Variants in EIF4G2 observed in about 807,000 individuals in gnomAD.
EIF4G2 encodes DAP-5.
Under a neutral mutation model 117.7 loss-of-function variants are expected in EIF4G2, and 8 were observed. The observed-to-expected ratio is 0.07, with a 90% confidence interval of 0.04 to 0.12. The LOEUF is 0.12. Among genes scored for constraint, EIF4G2 ranks in the 10% least tolerant of loss-of-function variants. The pLI is 1.00. For missense variants in EIF4G2, 812 were observed against 1,086.2 expected (o/e 0.75, Z 3.55); for synonymous variants, 413 against 367.8 (o/e 1.12, Z -1.41).
In EIF4G2 at chr11:10,802,318, C is replaced by G; in HGVS notation, c.1114G>C (p.Ala372Pro). Reference sequence around the variant, plus strand: ...CCTGGCATTTGTCCAAACATATCAGCAAGTCCTCCAAGTGGGTCCCTATCC... The same window carrying G: ...CCTGGCATTTGTCCAAACATATCAGGAAGTCCTCCAAGTGGGTCCCTATCC... The change falls in exon 12 of 22, where the codon GCT becomes CCT. Residue 372 changes from alanine to proline, a missense_variant. Physicochemically the swap from Ala to Pro is conservative, Grantham distance 27 (BLOSUM62 -1). Coordinates refer to ENST00000339995, the MANE Select transcript of EIF4G2 (RefSeq NM_001418.4). 1.2e-6 allele frequency: 2 copies of G among 1,613,382 alleles called. No individual in the cohort carries two copies. The highest frequency in any genetic ancestry group is 1.1e-5 in the South Asian group (1 of 90,944).
intron 1 of EIF4G2, 28 bp downstream of exon 1, chr11:10,808,677 A>T: frequency 4.4e-6 from 1 of 229,240 alleles, no homozygotes. Context: ...AGAGCGCTCC[A>T]CTCGGCGGCG....
At position 10,805,997 on chromosome 11, in the gene EIF4G2, G is replaced by A. The variant is rs1847557574; in HGVS notation, c.158C>T (p.Ala53Val). 6.2e-7 allele frequency: 1 copy of A among 1,614,104 alleles called. No homozygotes were observed. The highest frequency in any genetic ancestry group is 8.5e-7 in the Non-Finnish European group (1 of 1,180,054). The change falls in exon 4 of 22, where the codon GCA becomes GTA. Residue 53 changes from alanine (A) to valine (V), a missense_variant. Coordinates refer to ENST00000339995, the MANE Select transcript of EIF4G2 (RefSeq NM_001418.4). ...GTTGTCATCTCGTCTAGTGCTTCGTGCAGGAATCCATTTCTGAGCGTTTTG... is the reference window on the plus strand; with the variant it reads ...GTTGTCATCTCGTCTAGTGCTTCGTACAGGAATCCATTTCTGAGCGTTTTG...
chr11:10,804,349 C>T lies in EIF4G2; in HGVS notation c.421G>A (p.Glu141Lys). Residue 141 changes from glutamate (E) to lysine (K), a missense_variant, in exon 6 of 22, where the codon GAA becomes AAA. Around this residue, in one of 4 missense-constraint regions of EIF4G2, gnomAD observed 154 missense variants for 322.1 expected, o/e 0.48. Transcript: ENST00000339995. ...GGGCCATCAAAGTTTGGTGCATCTT[C>T]TGCCAATCGCAGACATAGCTGAGCA... The T allele has an allele frequency of 6.2e-7, 1 of 1,614,222 alleles. No homozygotes were observed. Among genetic ancestry groups the T allele is most frequent in the Non-Finnish European group, 8.5e-7 (1 of 1,180,044 alleles).
intron 1 of EIF4G2, chr11:10,808,061 C>A: frequency 9.6e-7 from 1 of 1,046,850 alleles, no homozygotes; most frequent in Non-Finnish European, 1.2e-6. Flanking sequence ...AGGCCACCCC[C>A]GCCAGCCCGG....
chr11:10,808,189 T>G (rs993683296), intron 1 of EIF4G2: 3 of 1,120,782 alleles, frequency 2.7e-6, no homozygotes, highest in Middle Eastern at 4.0e-4. Context: ...CGCCACGGCC[T>G]CCTCTGCTGA....
chr11:10,797,933 C>T lies in EIF4G2; in HGVS notation c.2659-52G>A, dbSNP rs539169482. On this transcript the variant is annotated intron_variant, in intron 21 of 21. Coordinates refer to ENST00000339995, the MANE Select transcript of EIF4G2 (RefSeq NM_001418.4). The surrounding 1 kb of genome is among the most constrained non-coding windows in gnomAD (Gnocchi z 4.5). Reference sequence around the variant, plus strand: ...ATAGTTCATGATATAAACAGAAATCCATCCAAAAAGTTTTAGGTGGTACTA... The same window carrying T: ...ATAGTTCATGATATAAACAGAAATCTATCCAAAAAGTTTTAGGTGGTACTA... The T allele has an allele frequency of 3.8e-6, 6 of 1,582,638 alleles. No homozygotes were observed. The African/African-American group carries it at 6.7e-5, about 18-fold the overall frequency.
intron 5 of EIF4G2, 102 bp from the exon 6 acceptor site, chr11:10,804,520 CA>C: frequency 7.1e-7 from 1 of 1,399,016 alleles, no homozygotes; most frequent in Admixed American, 2.5e-5. Context: ...TACAGTCTAC[CA>C]AAAATGTCCA....
chr11:10,798,517 C>T (rs1847327283), intron 21 of EIF4G2, among the ~76,000 whole-genome samples: 1 of 152,046 alleles, frequency 6.6e-6, no homozygotes, highest in Non-Finnish European at 1.5e-5. Context: ...GTAGCTGGGA[C>T]CAGGACCACA....
At chr11:10,805,851 C>A in intron 4 of EIF4G2, 56 bp downstream of exon 4, 1 of 1,612,214 alleles carries the variant, frequency 6.2e-7, no homozygotes, top group Non-Finnish European at 8.5e-7. Context: ...GCACACACAC[C>A]AAACACAGCT....
At chr11:10,806,459 G>A (rs547259395) in intron 3 of EIF4G2, 6 of 328,536 alleles carry the variant, frequency 1.8e-5, no homozygotes, top group Admixed American at 4.5e-5. Flanking sequence ...GGGATTACAG[G>A]TGTGAGCCAC....
At chr11:10,808,108 T>A in intron 1 of EIF4G2, 1 of 1,052,706 alleles carries the variant, frequency 9.5e-7, no homozygotes, top group Non-Finnish European at 1.2e-6. Context: ...GAAGGCGGCC[T>A]CCTGCCCACC....
intron 3 of EIF4G2, chr11:10,806,606 A>AG: frequency 1.9e-6 from 1 of 533,018 alleles, no homozygotes; most frequent in African/African-American, 1.9e-5. Context: ...CCAAAGAATA[A>AG]GGAAAAAAAT....
chr11:10,801,583 C>T (rs770720688), intron 14 of EIF4G2, 78 bp downstream of exon 14: 41 of 1,263,110 alleles, frequency 3.2e-5, no homozygotes, highest in Middle Eastern at 1.8e-4. Flanking sequence ...CTCTTAATAA[C>T]GCGTCTTTTT....
chr11:10,804,485 A>G (rs1847505019), intron 5 of EIF4G2, 67 bp from the exon 6 acceptor site: 2 of 1,512,332 alleles, frequency 1.3e-6, no homozygotes, highest in Non-Finnish European at 8.8e-7. Context: ...TTTAGGAAAA[A>G]TACAACCACC....
chr11:10,805,149 C>G, intron 4 of EIF4G2, 134 bp from the exon 5 acceptor site: 1 of 701,796 alleles, frequency 1.4e-6, no homozygotes, highest in East Asian at 2.7e-5. Context: ...TCTTACTCAT[C>G]TAAAACCAAA....
intron 14 of EIF4G2, 169 bp from the exon 15 acceptor site, chr11:10,801,256 T>G (rs1358299167): frequency 1.7e-5 from 15 of 877,812 alleles, no homozygotes; most frequent in Non-Finnish European, 1.9e-5. Flanking sequence ...GGCAAAAAAT[T>G]TAAAGATCTG....
In EIF4G2 at chr11:10,803,280, C is replaced by T. The variant is rs1262395075; in HGVS notation, c.828G>A (p.Gln276=). The change falls in exon 10 of 22, where the codon CAG becomes CAA. Residue 276 remains glutamine (Q), a synonymous_variant. Transcript: ENST00000339995. The surrounding 1 kb of genome is among the most constrained non-coding windows in gnomAD (Gnocchi z 4.0). ...TCAAGGAGCACATTCGGGCAAAGTA[C>T]TGATCCATTAAGGACTGATAAGAGA... 1 of 1,613,986 alleles carries T rather than the reference C, an allele frequency of 6.2e-7. No homozygotes were observed. Among genetic ancestry groups the T allele is most frequent in the Admixed American group, 1.7e-5 (1 of 60,000 alleles).
intron 11 of EIF4G2, among the ~76,000 whole-genome samples, chr11:10,802,823 C>T (rs929768757): frequency 1.3e-4 from 20 of 152,176 alleles, no homozygotes; most frequent in East Asian, 5.8e-4. Context: ...ATCGAGAATG[C>T]GCCACTGCAC....
chr11:10,806,648 ATT>A (rs1391771230), intron 3 of EIF4G2, 170 bp downstream of exon 3: 2 of 632,072 alleles, frequency 3.2e-6, no homozygotes, highest in Non-Finnish European at 5.4e-6. Context: ...CACTTAGAAA[ATT>A]TGGCTAAGGA....
Sources: allele counts gnomAD v4.1 joint callset (sites outside exome capture counted in the v4.1 genomes callset), GRCh38; gene constraint gnomAD v4.1.1; regional missense constraint gnomAD v4.1.1; non-coding constraint Gnocchi (gnomAD v3.1); transcripts MANE v1.5; gene names NCBI Gene and HGNC (gene_info 2026-07-23, HGNC 2026-07-21).